NFATC2: variants seen among roughly 807,000 people sequenced by gnomAD.
The protein encoded by NFATC2 is nuclear factor of activated T-cells, cytoplasmic 2.
NFATC2 carries 22 observed loss-of-function variants against 87.3 expected under a neutral mutation model. That is an observed-to-expected ratio of 0.25 (90% CI 0.18 to 0.36). NFATC2 has a LOEUF of 0.36. Ranked by LOEUF, NFATC2 falls within the 10% of genes least tolerant of loss-of-function variation. The pLI is 1.00. For missense variants in NFATC2, 1,149 were observed against 1,259.1 expected (o/e 0.91, Z 1.32); for synonymous variants, 565 against 542.2 (o/e 1.04, Z -0.58).
At chr20:51,508,304 C>T (rs1317835649) in intron 3 of NFATC2, among the ~76,000 whole-genome samples, 2 of 152,250 alleles carry the variant, frequency 1.3e-5, no homozygotes, top group East Asian at 3.9e-4. Context: ...GCGCACCCTC[C>T]CCCTCTCTCC....
At chr20:51,491,284 T>C (rs1420056264) in intron 3 of NFATC2, among the ~76,000 whole-genome samples, 1 of 143,374 alleles carries the variant, frequency 7.0e-6, no homozygotes, top group Non-Finnish European at 1.5e-5. Context: ...TGGACAAGGT[T>C]AAAAAAAAAA....
chr20:51,459,771 T>C (rs886320278), intron 5 of NFATC2, among the ~76,000 whole-genome samples: 7 of 152,052 alleles, frequency 4.6e-5, no homozygotes, highest in Non-Finnish European at 1.0e-4. Flanking sequence ...CCCGGCTACT[T>C]GGGTGGCTGA....
At chr20:51,405,138 G>A (rs1331163196) in intron 9 of NFATC2, among the ~76,000 whole-genome samples, 2 of 152,146 alleles carry the variant, frequency 1.3e-5, no homozygotes, top group Non-Finnish European at 2.9e-5. Context: ...TTGAGCTCCT[G>A]GAAGAGAAAT....
At chr20:51,497,163 G>A (rs1327802205) in intron 3 of NFATC2, among the ~76,000 whole-genome samples, 1 of 152,186 alleles carries the variant, frequency 6.6e-6, no homozygotes, top group Non-Finnish European at 1.5e-5. Context: ...GCTTCCCAAA[G>A]TCTAACTTCT....
At chr20:51,535,878 T>C (rs2076711952) in intron 1 of NFATC2, among the ~76,000 whole-genome samples, 1 of 152,200 alleles carries the variant, frequency 6.6e-6, no homozygotes, top group African/African-American at 2.4e-5. Context: ...AGAAATGCTC[T>C]TTTTCCAAAA....
chr20:51,544,113 G>A (rs895719195), upstream of NFATC2, among the ~76,000 whole-genome samples: 5 of 145,824 alleles, frequency 3.4e-5, no homozygotes, highest in East Asian at 2.2e-4. Context: ...TCAGCCTCCC[G>A]AGTAGCTGGG....
At chr20:51,505,639 C>T (rs1377382891) in intron 3 of NFATC2, among the ~76,000 whole-genome samples, 2 of 152,216 alleles carry the variant, frequency 1.3e-5, no homozygotes, top group Admixed American at 6.5e-5. Flanking sequence ...GGCCAAAGTG[C>T]CCAACAGAAT....
chr20:51,486,531 G>C (rs1167136752), intron 3 of NFATC2, among the ~76,000 whole-genome samples: 1 of 152,016 alleles, frequency 6.6e-6, no homozygotes, highest in African/African-American at 2.4e-5. Context: ...ATGTCTTCCT[G>C]TTTATTTCCT....
chr20:51,403,398 C>A (rs113100981), intron 9 of NFATC2, among the ~76,000 whole-genome samples: 2,412 of 152,304 alleles, frequency 0.016, 64 homozygotes, highest in African/African-American at 0.055. Flanking sequence ...TCATGGGTGA[C>A]ACTGCACCAG....
intron 3 of NFATC2, among the ~76,000 whole-genome samples, chr20:51,499,953 C>G (rs2146620266): frequency 6.6e-6 from 1 of 152,226 alleles, no homozygotes; most frequent in African/African-American, 2.4e-5. Context: ...ATAAGTAATA[C>G]TTTTCTAACC....
intron 9 of NFATC2, among the ~76,000 whole-genome samples, chr20:51,400,569 C>CTGCAGCATTCGGAGG (rs1404987122): frequency 6.6e-6 from 1 of 152,210 alleles, no homozygotes; most frequent in Non-Finnish European, 1.5e-5. Flanking sequence ...ATGGCTCCGT[C>CTGCAGCATTCGGAGG]TGCAGCATTC....
chr20:51,448,556 A>C (rs1985373199), intron 6 of NFATC2, among the ~76,000 whole-genome samples: 1 of 152,220 alleles, frequency 6.6e-6, no homozygotes, highest in South Asian at 2.1e-4. Flanking sequence ...GGGCAGGAGA[A>C]TGGCGTGAAC....
rs1986992220 is a variant in NFATC2, at chr20:51,460,162, C to T, written c.1709-5474G>A. On this transcript the variant is annotated intron_variant, in intron 5 of 10. Transcript: ENST00000371564. ...TTTTCTTGCTAAGTTATTTTCACAA[C>T]ACTTTATTTGTTTAAACCCTTAAAT... Among the ~76,000 whole-genome samples, 2 of 152,178 alleles carry T rather than the reference C, an allele frequency of 1.3e-5. 1 individual carries two copies. The highest frequency in any genetic ancestry group is 4.1e-4 in the South Asian group (2 of 4,828).
At chr20:51,407,700 C>T (rs1978546843) in intron 9 of NFATC2, among the ~76,000 whole-genome samples, 1 of 152,192 alleles carries the variant, frequency 6.6e-6, no homozygotes, top group Non-Finnish European at 1.5e-5. Context: ...CCCACAGCCC[C>T]TAGGGCACCC....
At chr20:51,398,433 C>T (rs1412220649) in intron 10 of NFATC2, among the ~76,000 whole-genome samples, 2 of 152,206 alleles carry the variant, frequency 1.3e-5, no homozygotes, top group Admixed American at 6.5e-5. Context: ...CCTCATCCCC[C>T]CTTCTCCCGC....
At chr20:51,462,480 T>C (rs1987265073) in intron 5 of NFATC2, among the ~76,000 whole-genome samples, 1 of 152,090 alleles carries the variant, frequency 6.6e-6, no homozygotes, top group African/African-American at 2.4e-5. Flanking sequence ...CAATTACAAA[T>C]GCTATAAAGA....
At chr20:51,510,452 G>A (rs554153239) in intron 3 of NFATC2, among the ~76,000 whole-genome samples, 9 of 152,332 alleles carry the variant, frequency 5.9e-5, no homozygotes, top group African/African-American at 1.7e-4. Flanking sequence ...GGCGAGGAAT[G>A]ATGGCAGGGC....
In NFATC2 at chr20:51,414,311, C is replaced by T. The variant is rs1979721051; in HGVS notation, c.2723-15581G>A. ...ACCTGAAAGAGACCATGTTCATTTC[C>T]AGGACTTCAAGGCAAGAGAGAAACC... On this transcript the variant is annotated intron_variant, in intron 9 of 10. Transcript: ENST00000371564. Among the ~76,000 whole-genome samples the T allele has an allele frequency of 2.0e-5, 3 of 152,120 alleles. No homozygotes were observed. The South Asian group carries it at 6.2e-4, about 32-fold the overall frequency.
At chr20:51,395,833 G>A (rs1987003228) in intron 10 of NFATC2, among the ~76,000 whole-genome samples, 1 of 151,872 alleles carries the variant, frequency 6.6e-6, no homozygotes, top group East Asian at 1.9e-4. Flanking sequence ...TGATATACCA[G>A]GGGTCAACAA....
Sources: gnomAD v4.1 joint callset for allele counts (sites outside exome capture counted in the v4.1 genomes callset) on GRCh38, gnomAD v4.1.1 for gene constraint, MANE v1.5 for transcripts, NCBI Gene and HGNC (gene_info 2026-07-23, HGNC 2026-07-21) for gene names.